CNIH3: variants seen among roughly 807,000 people sequenced by gnomAD.
CNIH3 encodes the protein protein cornichon homolog 3.
In CNIH3, 14 loss-of-function variants were observed where a neutral mutation model predicts 24.1. That is an observed-to-expected ratio of 0.58 (90% CI 0.38 to 0.91). The LOEUF is 0.91. CNIH3 is among the 40% of genes least tolerant of loss of function. The pLI, the probability that CNIH3 is intolerant of heterozygous loss-of-function variation, is 0.00. For missense variants in CNIH3, 178 were observed against 196.8 expected (o/e 0.90, Z 0.57); for synonymous variants, 68 against 73.8 (o/e 0.92, Z 0.40).
rs369762199 is a variant in CNIH3 at position 224,681,035 on chromosome 1, C to G, written c.150+9C>G. The G allele has an allele frequency of 1.2e-6, 2 of 1,612,918 alleles. No homozygotes were observed. The highest frequency in any genetic ancestry group is 1.7e-6 in the Non-Finnish European group (2 of 1,178,940). On this transcript the variant is annotated intron_variant, in intron 2 of 5. Transcript: ENST00000272133. ...GCAATCCTGTTCATGCGGTAAGTGG[C>G]GGGTACTGGTGAGGGGAAGGTGCTA...
At chr1:224,460,199 C>G (rs1675851111) in intron 1 of CNIH3, among the ~76,000 whole-genome samples, 1 of 152,114 alleles carries the variant, frequency 6.6e-6, no homozygotes, top group African/African-American at 2.4e-5. Context: ...GTTTATCTTT[C>G]TTAAGCTTGG....
chr1:224,567,790 C>T (rs903437204), intron 4 of CNIH3, among the ~76,000 whole-genome samples: 94 of 152,140 alleles, frequency 6.2e-4, no homozygotes, highest in African/African-American at 2.2e-3. Flanking sequence ...GGGGAAAGGA[C>T]GAAACAGTTG....
chr1:224,628,939 C>G (rs999138159), intron 1 of CNIH3, among the ~76,000 whole-genome samples: 2 of 151,768 alleles, frequency 1.3e-5, no homozygotes, highest in African/African-American at 2.4e-5. Flanking sequence ...GGAACTCCCC[C>G]CCAACCACCT....
intron 4 of CNIH3, among the ~76,000 whole-genome samples, chr1:224,570,841 C>T (rs765539503): frequency 6.6e-6 from 1 of 151,698 alleles, no homozygotes; most frequent in Non-Finnish European, 1.5e-5. Flanking sequence ...ATGTTTAGGC[C>T]TACAGTCTAT....
chr1:224,674,291 T>G (rs1195551794), intron 1 of CNIH3, among the ~76,000 whole-genome samples: 6 of 90,922 alleles, frequency 6.6e-5, no homozygotes, highest in Admixed American at 1.0e-4. Context: ...TTTTTTTTTT[T>G]TTTTTTTTTT....
At chr1:224,600,425 C>A (rs575444249) in intron 3 of CNIH3, among the ~76,000 whole-genome samples, 1 of 152,306 alleles carries the variant, frequency 6.6e-6, no homozygotes, top group African/African-American at 2.4e-5. Context: ...CTCCCAACCT[C>A]AGGTGACCTG....
chr1:224,439,224 C>T lies in CNIH3; in HGVS notation n.203+4362C>T, dbSNP rs552765088. On this transcript the variant is annotated intron_variant and non_coding_transcript_variant, in intron 1 of 5. Transcript: ENST00000471578. Reference sequence around the variant, plus strand: ...CCATTCATGCCATGGGCATTCAGTACAGTCCTGTAAGCAAGGGTAGGGGCG... The same window carrying T: ...CCATTCATGCCATGGGCATTCAGTATAGTCCTGTAAGCAAGGGTAGGGGCG... 3.9e-5 allele frequency among the ~76,000 whole-genome samples: 6 copies of T among 152,344 alleles called. No homozygotes were observed. The South Asian group carries it at 1.2e-3, about 32-fold the overall frequency.
intron 4 of CNIH3, among the ~76,000 whole-genome samples, chr1:224,571,644 G>C (rs1680823163): frequency 6.6e-6 from 1 of 152,294 alleles, no homozygotes; most frequent in Non-Finnish European, 1.5e-5. Context: ...AGAATCGCTT[G>C]AACCTAGGAG....
chr1:224,540,508 G>C (rs1443254757), downstream of CNIH3, among the ~76,000 whole-genome samples: 1 of 152,152 alleles, frequency 6.6e-6, no homozygotes, highest in Non-Finnish European at 1.5e-5. Flanking sequence ...GCTGCATCTG[G>C]CTATATGGAC....
At chr1:224,543,642 T>C (rs1385692473) in intron 2 of CNIH3, among the ~76,000 whole-genome samples, 2 of 152,204 alleles carry the variant, frequency 1.3e-5, no homozygotes, top group African/African-American at 4.8e-5. Flanking sequence ...TGGTTTTTAT[T>C]AGACCAGAAT....
intron 4 of CNIH3, among the ~76,000 whole-genome samples, chr1:224,575,864 A>T (rs914591487): frequency 6.6e-6 from 1 of 152,172 alleles, no homozygotes; most frequent in Non-Finnish European, 1.5e-5. Flanking sequence ...CAACTGGGCA[A>T]CTTTGAGTAG....
intron 1 of CNIH3, among the ~76,000 whole-genome samples, chr1:224,442,144 G>A (rs577889525): frequency 3.3e-4 from 49 of 149,366 alleles, no homozygotes; most frequent in African/African-American, 1.0e-3. Flanking sequence ...TCAGCCTCCC[G>A]AGTAGCTGGG....
intron 1 of CNIH3, among the ~76,000 whole-genome samples, chr1:224,503,021 G>A (rs1460026139): frequency 6.9e-6 from 1 of 145,416 alleles, no homozygotes; most frequent in Non-Finnish European, 1.5e-5. Context: ...GCAGAAGGAA[G>A]GCAAACAGCT....
At chr1:224,482,830 C>G (rs1439024991) in intron 1 of CNIH3, among the ~76,000 whole-genome samples, 1 of 152,114 alleles carries the variant, frequency 6.6e-6, no homozygotes, top group African/African-American at 2.4e-5. Context: ...GAGTTGTACT[C>G]TTTATGGCCT....
chr1:224,699,735 G>A (rs1371577551), intron 3 of CNIH3, among the ~76,000 whole-genome samples: 1 of 152,158 alleles, frequency 6.6e-6, no homozygotes, highest in Non-Finnish European at 1.5e-5. Flanking sequence ...GAACCTGTGT[G>A]TGGCCAACCC....
intron 3 of CNIH3, among the ~76,000 whole-genome samples, chr1:224,563,206 A>G (rs1446093760): frequency 6.6e-6 from 1 of 152,240 alleles, no homozygotes; most frequent in Non-Finnish European, 1.5e-5. Flanking sequence ...CTGCAGAACC[A>G]TAAGCCAAAT....
rs1686583697 is a variant in CNIH3 at position 224,684,973 on chromosome 1, G to A, written c.198+130G>A. 5 of 854,994 alleles carry A rather than the reference G, an allele frequency of 5.8e-6. No individual in the cohort carries two copies. The highest frequency in any genetic ancestry group is 5.5e-5 in the South Asian group (4 of 73,368). 53.0% of individuals were successfully genotyped at this position (854,994 alleles called of 1,614,324 possible). The stretch of plus-strand genomic sequence containing the variant: ...AGGGAGGCAAATGGTGGCAGGGAAA[G>A]GGGGAGGTGGGAGCAAGTGATCAGT... On this transcript the variant is annotated intron_variant, in intron 3 of 5. Transcript: ENST00000272133. This position sits in a 1 kb window ranked among gnomAD's most constrained non-coding sequence, Gnocchi z 4.2.
chr1:224,489,018 G>C (rs1043213669), intron 1 of CNIH3, among the ~76,000 whole-genome samples: 7 of 151,920 alleles, frequency 4.6e-5, no homozygotes, highest in Admixed American at 4.6e-4. Flanking sequence ...TCTTTTTCTT[G>C]ATATGAGTAG....
intron 1 of CNIH3, chr1:224,435,671 G>GA (rs769777928): frequency 3.9e-5 from 6 of 152,210 alleles, no homozygotes; most frequent in Non-Finnish European, 8.8e-5. Context: ...ATCCAGGCTT[G>GA]AAATTTTTAC....
Sources: gnomAD v4.1 joint callset for allele counts (sites outside exome capture counted in the v4.1 genomes callset) on GRCh38, gnomAD v4.1.1 for gene constraint, Gnocchi (gnomAD v3.1) non-coding constraint, MANE v1.5 for transcripts, NCBI Gene and HGNC (gene_info 2026-07-23, HGNC 2026-07-21) for gene names.